KIAA1549L: variants seen among roughly 807,000 people sequenced by gnomAD.
KIAA1549L encodes KIAA1549 like.
A neutral mutation model predicts 160.7 loss-of-function variants in KIAA1549L; 88 were observed. The observed-to-expected ratio is 0.55, with a 90% confidence interval of 0.46 to 0.65. The LOEUF (loss-of-function observed/expected upper bound fraction) is 0.65, where lower values mean the gene tolerates loss of function less well. Ranked by LOEUF, KIAA1549L falls within the 30% of genes least tolerant of loss-of-function variation. KIAA1549L has a pLI of 0.00. For missense variants in KIAA1549L, 2,258 were observed against 2,437.5 expected (o/e 0.93, Z 1.55); for synonymous variants, 950 against 976.7 (o/e 0.97, Z 0.51).
chr11:33,377,085 C>T (rs1016083308), intron 1 of KIAA1549L, among the ~76,000 whole-genome samples, 196 bp downstream of exon 1: 2 of 152,178 alleles, frequency 1.3e-5, no homozygotes, highest in African/African-American at 4.8e-5. Flanking sequence ...AAGGAGCAAT[C>T]GCCTCTTCTT....
At chr11:33,476,748 T>C (rs563089874) in intron 1 of KIAA1549L, among the ~76,000 whole-genome samples, 7 of 152,170 alleles carry the variant, frequency 4.6e-5, no homozygotes, top group Non-Finnish European at 8.8e-5. Flanking sequence ...GTTGTCCCCT[T>C]AGAGGGGCAC....
At position 33,522,900 on chromosome 11, in the gene KIAA1549L, C is replaced by CAAAA. The variant is rs56199693; in HGVS notation, c.239-18892_239-18889dup. Among the ~76,000 whole-genome samples the CAAAA allele has an allele frequency of 1.1e-3, 168 of 147,286 alleles. No individual in the cohort carries two copies. The South Asian group carries it at 0.025, about 22-fold the overall frequency. On this transcript the variant is annotated intron_variant, in intron 1 of 20. Coordinates refer to ENST00000658780, the MANE Select transcript of KIAA1549L (RefSeq NM_012194.3). The stretch of plus-strand genomic sequence containing the variant: ...GGTGACAAAGTGAGATTCTCTCTCT[C>CAAAA]AAAAAAAAAAAAATATGGTCTTTAC...
chr11:33,413,778 T>A (rs1457176287), intron 1 of KIAA1549L, among the ~76,000 whole-genome samples: 3 of 152,198 alleles, frequency 2.0e-5, no homozygotes, highest in Non-Finnish European at 2.9e-5. Flanking sequence ...TTAAGAGGTC[T>A]GCATGAACTG....
intron 16 of KIAA1549L, among the ~76,000 whole-genome samples, chr11:33,629,770 A>AGC (rs1392486514): frequency 3.3e-5 from 5 of 150,692 alleles, no homozygotes; most frequent in African/African-American, 1.2e-4. Flanking sequence ...GATCGTCTGA[A>AGC]GCCTTCTTCT....
chr11:33,465,751 C>A (rs2133011636), intron 1 of KIAA1549L, among the ~76,000 whole-genome samples: 1 of 152,206 alleles, frequency 6.6e-6, no homozygotes, highest in South Asian at 2.1e-4. Context: ...AGAAAGGATT[C>A]CCTATTTAAT....
At chr11:33,461,125 CT>C (rs1339616470) in intron 1 of KIAA1549L, among the ~76,000 whole-genome samples, 1 of 151,866 alleles carries the variant, frequency 6.6e-6, no homozygotes, top group African/African-American at 2.4e-5. Flanking sequence ...ACCGGTTCTA[CT>C]TTATGTTTTC....
At position 33,569,971 on chromosome 11, in the gene KIAA1549L, GC is replaced by G. The variant is rs574355746; in HGVS notation, c.4230+1747del. 2.1e-4 allele frequency among the ~76,000 whole-genome samples: 32 copies of G among 150,542 alleles called. 1 individual carries two copies. In the East Asian group the frequency reaches 5.1e-3, roughly 24 times the overall value. On this transcript the variant is annotated intron_variant, in intron 9 of 20. Transcript: ENST00000658780. ...CCTAACACATTTTGCATGCCAAAGG[GC>G]CCAGAGAGGTGTTCTTTCTCTCTCT...
chr11:33,548,202 C>T (rs566501441), intron 4 of KIAA1549L, among the ~76,000 whole-genome samples: 5 of 152,180 alleles, frequency 3.3e-5, no homozygotes, highest in South Asian at 4.2e-4. Context: ...AGTTTGAGAC[C>T]GGTCTGGGCA....
At chr11:33,418,844 G>T (rs1283800436) in intron 1 of KIAA1549L, among the ~76,000 whole-genome samples, 1 of 151,930 alleles carries the variant, frequency 6.6e-6, no homozygotes, top group Non-Finnish European at 1.5e-5. Flanking sequence ...AAAAGAGCCT[G>T]GGCTGTTCTG....
chr11:33,620,196 C>T (rs1850920941), intron 16 of KIAA1549L, among the ~76,000 whole-genome samples: 1 of 152,186 alleles, frequency 6.6e-6, no homozygotes, highest in Admixed American at 6.5e-5. Flanking sequence ...TAGCAACTTA[C>T]CTAGAACAAT....
intron 10 of KIAA1549L, among the ~76,000 whole-genome samples, chr11:33,579,761 G>A (rs893239739): frequency 2.6e-5 from 4 of 152,144 alleles, no homozygotes; most frequent in Middle Eastern, 3.2e-3. Flanking sequence ...ATGAGTGCCT[G>A]GTGAAGGAAC....
At chr11:33,438,700 T>C (rs1188256645) in intron 1 of KIAA1549L, among the ~76,000 whole-genome samples, 7 of 152,218 alleles carry the variant, frequency 4.6e-5, no homozygotes, top group East Asian at 1.9e-4. Flanking sequence ...TTTAAACTTT[T>C]TGACTAGATT....
intron 1 of KIAA1549L, among the ~76,000 whole-genome samples, chr11:33,386,533 A>C (rs538591038): frequency 6.6e-6 from 1 of 152,230 alleles, no homozygotes; most frequent in Admixed American, 6.5e-5. Flanking sequence ...ACACAAAAAA[A>C]TTAGCTGGGT....
At chr11:33,419,778 C>T (rs1375719492) in intron 1 of KIAA1549L, among the ~76,000 whole-genome samples, 5 of 151,928 alleles carry the variant, frequency 3.3e-5, no homozygotes, top group African/African-American at 4.8e-5. Context: ...ACCCAGGAAG[C>T]GGAGGTTGCA....
chr11:33,444,755 A>C (rs1851577286), intron 1 of KIAA1549L, among the ~76,000 whole-genome samples: 1 of 152,260 alleles, frequency 6.6e-6, no homozygotes, highest in South Asian at 2.1e-4. Flanking sequence ...AGAAATTCTC[A>C]ACAACTAGGG....
At chr11:33,536,120 G>A (rs534075902) in intron 1 of KIAA1549L, among the ~76,000 whole-genome samples, 1 of 152,278 alleles carries the variant, frequency 6.6e-6, no homozygotes, top group African/African-American at 2.4e-5. Context: ...TAAAGCTATA[G>A]AGACTCATTT....
At chr11:33,396,754 C>A (rs1401032788) in intron 1 of KIAA1549L, among the ~76,000 whole-genome samples, 1 of 151,888 alleles carries the variant, frequency 6.6e-6, no homozygotes. Flanking sequence ...GAGTTTGAGA[C>A]CAGCCTGGCC....
At chr11:33,500,203 A>G (rs1775169306) in intron 1 of KIAA1549L, among the ~76,000 whole-genome samples, 1 of 152,224 alleles carries the variant, frequency 6.6e-6, no homozygotes, top group South Asian at 2.1e-4. Flanking sequence ...GCTTGATTTT[A>G]TACGTTAAAA....
chr11:33,629,032 C>T (rs1407112303), intron 16 of KIAA1549L, among the ~76,000 whole-genome samples: 4 of 151,200 alleles, frequency 2.6e-5, no homozygotes, highest in African/African-American at 9.9e-5. Flanking sequence ...TTTTATTTCT[C>T]CTTCACTTAC....
Sources: allele counts gnomAD v4.1 joint callset (sites outside exome capture counted in the v4.1 genomes callset), GRCh38; gene constraint gnomAD v4.1.1; transcripts MANE v1.5; gene names NCBI Gene and HGNC (gene_info 2026-07-23, HGNC 2026-07-21).